The following TENM4 variants were observed in gnomAD, a reference collection of about 807,000 sequenced individuals.
TENM4 encodes the protein teneurin-4.
TENM4 carries 82 observed loss-of-function variants against 243.3 expected under a neutral mutation model. The observed-to-expected ratio is 0.34, with a 90% CI of 0.28 to 0.40. The LOEUF (loss-of-function observed/expected upper bound fraction) is 0.40, where lower values mean the gene tolerates loss of function less well. TENM4 is among the 10% of genes least tolerant of loss of function. The probability of loss-of-function intolerance (pLI) is 1.00; values close to 1 mark genes in which losing one functional copy is unlikely to be tolerated. For missense variants in TENM4, 3,138 were observed against 3,673.3 expected (o/e 0.85, Z 3.77); for synonymous variants, 1,412 against 1,456.3 (o/e 0.97, Z 0.69).
intron 4 of TENM4, among the ~76,000 whole-genome samples, chr11:79,141,354 T>C (rs781714318): frequency 2.6e-5 from 4 of 152,100 alleles, no homozygotes; most frequent in Non-Finnish European, 4.4e-5. Flanking sequence ...TAGAGACTAC[T>C]ATGAGCAACT....
chr11:78,915,157 G>T (rs750683192), intron 6 of TENM4, among the ~76,000 whole-genome samples: 1 of 152,184 alleles, frequency 6.6e-6, no homozygotes, highest in African/African-American at 2.4e-5. Context: ...CTCACTGCTT[G>T]TCTCATGGCC....
intron 1 of TENM4, among the ~76,000 whole-genome samples, chr11:79,400,996 T>C (rs1403960710): frequency 1.3e-5 from 2 of 152,322 alleles, no homozygotes; most frequent in Admixed American, 6.5e-5. Flanking sequence ...GAAGCTCTGA[T>C]TGGGATTTAT....
chr11:79,130,917 T>C (rs1861990370), intron 4 of TENM4, among the ~76,000 whole-genome samples: 2 of 151,944 alleles, frequency 1.3e-5, no homozygotes, highest in African/African-American at 4.8e-5. Context: ...ATTGAACAAG[T>C]AGAAGAAAGA....
intron 15 of TENM4, among the ~76,000 whole-genome samples, chr11:78,801,150 C>T (rs182837154): frequency 4.0e-4 from 61 of 152,278 alleles, no homozygotes; most frequent in African/African-American, 1.4e-3. Flanking sequence ...GAGCTGAGGA[C>T]TTGGGAACAA....
At chr11:78,769,138 A>G (rs1367825996) in intron 18 of TENM4, among the ~76,000 whole-genome samples, 1 of 152,190 alleles carries the variant, frequency 6.6e-6, no homozygotes, top group Admixed American at 6.5e-5. Context: ...CTTTTCTTCT[A>G]TTACATGAGT....
At chr11:78,918,414 A>T (rs1474774137) in intron 6 of TENM4, among the ~76,000 whole-genome samples, 1 of 151,800 alleles carries the variant, frequency 6.6e-6, no homozygotes, top group Non-Finnish European at 1.5e-5. Context: ...CAGCTGTGGA[A>T]TATTTTATTT....
intron 6 of TENM4, among the ~76,000 whole-genome samples, chr11:78,967,736 C>T (rs949579744): frequency 3.9e-5 from 6 of 152,172 alleles, no homozygotes; most frequent in Non-Finnish European, 8.8e-5. Context: ...ATTGCAGATG[C>T]TTCTACTGTG....
intron 27 of TENM4, among the ~76,000 whole-genome samples, chr11:78,705,270 G>A (rs894077169): frequency 6.6e-6 from 1 of 152,216 alleles, no homozygotes; most frequent in African/African-American, 2.4e-5. Flanking sequence ...AGACTAGGGG[G>A]AGACAGAGTC....
chr11:78,876,435 A>G (rs1291243288), intron 9 of TENM4, among the ~76,000 whole-genome samples: 2 of 152,232 alleles, frequency 1.3e-5, no homozygotes, highest in Non-Finnish European at 2.9e-5. Flanking sequence ...AGATGCAGAA[A>G]TATCCAACAT....
intron 2 of TENM4, among the ~76,000 whole-genome samples, chr11:79,235,395 G>A (rs1343200225): frequency 2.0e-5 from 3 of 152,146 alleles, no homozygotes; most frequent in Non-Finnish European, 4.4e-5. Flanking sequence ...AGTACAAAGT[G>A]AGAGATGCAG....
chr11:79,039,049 A>G (rs2136891949), intron 6 of TENM4, among the ~76,000 whole-genome samples: 1 of 152,270 alleles, frequency 6.6e-6, no homozygotes, highest in East Asian at 1.9e-4. Context: ...TGGTGGTGGT[A>G]GGGGCTTGTG....
intron 1 of TENM4, among the ~76,000 whole-genome samples, chr11:79,340,759 A>T (rs956393621): frequency 1.3e-5 from 2 of 151,802 alleles, no homozygotes; most frequent in African/African-American, 4.8e-5. Context: ...ATTCTTCAAG[A>T]CCCATCTGAA....
chr11:79,204,488 T>C (rs1863809295), intron 3 of TENM4, among the ~76,000 whole-genome samples: 1 of 152,152 alleles, frequency 6.6e-6, no homozygotes, highest in Non-Finnish European at 1.5e-5. Flanking sequence ...AGATACAATG[T>C]GGGCACAGAA....
At chr11:79,435,646 G>A (rs1859257807) in intron 1 of TENM4, among the ~76,000 whole-genome samples, 3 of 152,202 alleles carry the variant, frequency 2.0e-5, no homozygotes, top group African/African-American at 7.2e-5. Context: ...GGTTTGGGCT[G>A]GGGCTGTGTA....
At chr11:78,863,974 A>C (rs1017583568) in intron 9 of TENM4, among the ~76,000 whole-genome samples, 3 of 152,226 alleles carry the variant, frequency 2.0e-5, no homozygotes, top group African/African-American at 7.2e-5. Context: ...TAATATCCAC[A>C]CAACAAAATT....
chr11:78,956,084 T>C (rs1475132678), intron 6 of TENM4, among the ~76,000 whole-genome samples: 2 of 152,300 alleles, frequency 1.3e-5, no homozygotes, highest in Middle Eastern at 3.4e-3. Context: ...CCTAGGGTTA[T>C]TGCTGTGCAT....
chr11:78,730,950 C>T (rs1372967804), intron 21 of TENM4, among the ~76,000 whole-genome samples: 1 of 152,224 alleles, frequency 6.6e-6, no homozygotes, highest in Non-Finnish European at 1.5e-5. Flanking sequence ...CATCCTGATG[C>T]TCTCAAAAAT....
At chr11:79,100,053 T>C (rs1407040339) in intron 4 of TENM4, among the ~76,000 whole-genome samples, 2 of 152,170 alleles carry the variant, frequency 1.3e-5, no homozygotes, top group African/African-American at 4.8e-5. Context: ...CTTTGCCTGG[T>C]ACTCTCAGGT....
intron 3 of TENM4, among the ~76,000 whole-genome samples, chr11:79,180,378 T>A (rs1863257734): frequency 2.0e-5 from 3 of 151,650 alleles, no homozygotes; most frequent in African/African-American, 7.3e-5. Context: ...ACATACGATC[T>A]ATAGATTCCA....
Sources: allele counts gnomAD v4.1 joint callset (sites outside exome capture counted in the v4.1 genomes callset), GRCh38; gene constraint gnomAD v4.1.1; transcripts MANE v1.5; gene names NCBI Gene and HGNC (gene_info 2026-07-23, HGNC 2026-07-21).